Variants in DST observed in about 807,000 individuals in gnomAD.
DST encodes dystonin, also known as bullous pemphigoid antigen.
Under a neutral mutation model 875.2 loss-of-function variants are expected in DST, and 253 were observed. That is an observed-to-expected ratio of 0.29 (90% CI 0.26 to 0.32). The LOEUF (loss-of-function observed/expected upper bound fraction) is 0.32, where lower values mean the gene tolerates loss of function less well. Among genes scored for constraint, DST ranks in the 10% least tolerant of loss-of-function variants. DST has a pLI of 1.00. For missense variants in DST, 8,287 were observed against 9,111.6 expected (o/e 0.91, Z 3.68); for synonymous variants, 3,124 against 3,197.1 (o/e 0.98, Z 0.77).
intron 61 of DST, among the ~76,000 whole-genome samples, chr6:56,544,526 TA>T (rs1296171362): frequency 6.6e-6 from 1 of 152,124 alleles, no homozygotes; most frequent in Non-Finnish European, 1.5e-5. Context: ...TTCAAAAAAA[TA>T]GCACTCACTG....
In DST at chr6:56,851,477, G is replaced by C; in HGVS notation, c.545C>G (p.Pro182Arg). 1 of 1,614,024 alleles carries C rather than the reference G, an allele frequency of 6.2e-7. No individual in the cohort carries two copies. Among genetic ancestry groups the C allele is most frequent in the Non-Finnish European group, 8.5e-7 (1 of 1,179,906 alleles). Residue 182 changes from proline (P) to arginine (R), a missense_variant, in exon 4 of 104, where the codon CCT (proline) becomes CGT (arginine). Pro to Arg is a moderately radical substitution (Grantham distance 103, BLOSUM62 -2). Transcript: ENST00000680361. ...APGDTLPWNL[P>R]KHERSKRKIQ... ...CTTTCTTTTCGATCTCTCATGTTTAGGCAAATTCCAGGGTAAGGTGTCTCC... is the reference window on the plus strand; with the variant it reads ...CTTTCTTTTCGATCTCTCATGTTTACGCAAATTCCAGGGTAAGGTGTCTCC...
At chr6:56,502,585 A>T (rs922916889) in intron 78 of DST, among the ~76,000 whole-genome samples, 2 of 152,066 alleles carry the variant, frequency 1.3e-5, no homozygotes, top group African/African-American at 4.8e-5. Flanking sequence ...AAACTCAGAT[A>T]ACCTGATTTC....
Position 56,610,472 on chromosome 6 carries a change from C to T in DST, c.5238G>A (p.Gln1746=), listed in dbSNP as rs1451784402. 28 of 1,568,256 alleles carry T rather than the reference C, an allele frequency of 1.8e-5. No homozygotes were observed. The highest frequency in any genetic ancestry group is 2.4e-5 in the Non-Finnish European group (28 of 1,154,666). The change falls in exon 39 of 104, where the codon CAG becomes CAA. Residue 1746 remains glutamine (Q), a synonymous_variant. Transcript: ENST00000680361. ...CTCCTGAGGTTTGTGATTCTTGTAG[C>T]TGTTTCAGAGATTCACTGAATAATA... The part of the protein sequence containing the change: ...YNLLFSESLK[Q]LQESQTSGDV...
intron 87 of DST, among the ~76,000 whole-genome samples, chr6:56,486,673 T>G (rs1035962918): frequency 6.6e-6 from 1 of 152,134 alleles, no homozygotes; most frequent in Non-Finnish European, 1.5e-5. Context: ...AGTGGTACCT[T>G]GCACGTCACA....
At chr6:56,568,671 A>G (rs2097723135) in intron 54 of DST, 76 bp from the exon 55 acceptor site, 3 of 1,295,324 alleles carry the variant, frequency 2.3e-6, no homozygotes, top group East Asian at 2.6e-5. Context: ...TTTCTTAAAC[A>G]TATCTTAAAG....
chr6:56,823,050 G>A (rs1237730001), intron 4 of DST, among the ~76,000 whole-genome samples: 2 of 151,918 alleles, frequency 1.3e-5, no homozygotes, highest in African/African-American at 4.8e-5. Context: ...CCAGGCTGGT[G>A]TCCAACTCCT....
chr6:56,851,770 A>C (rs1473993119), intron 3 of DST, 166 bp from the exon 4 acceptor site: 2 of 1,551,742 alleles, frequency 1.3e-6, no homozygotes, highest in Non-Finnish European at 1.7e-6. Flanking sequence ...AACCAAAAAA[A>C]TAAAACCCGG....
At chr6:56,504,901 C>T (rs115377110) in intron 77 of DST, among the ~76,000 whole-genome samples, 3,847 of 152,132 alleles carry the variant, frequency 0.025, 74 homozygotes, top group Non-Finnish European at 0.043. Context: ...GGTACTTCAG[C>T]TCTTGTTTTG....
At position 56,616,188 on chromosome 6, in the gene DST, G is replaced by A. The variant is rs755047934; in HGVS notation, c.4930-1704C>T. 6.2e-6 allele frequency: 10 copies of A among 1,614,218 alleles called. No individual in the cohort carries two copies. In the South Asian group the frequency reaches 8.8e-5, roughly 14 times the overall value. Reference sequence around the variant, plus strand: ...AGCAAAGAATCAGCAAGTTCTGTAAGTGTGATGAGGCCTTCCTGATACTTT... The same window carrying A: ...AGCAAAGAATCAGCAAGTTCTGTAAATGTGATGAGGCCTTCCTGATACTTT... On this transcript the variant is annotated intron_variant, in intron 36 of 103. Coordinates refer to ENST00000680361, the MANE Select transcript of DST (RefSeq NM_001374736.1).
chr6:56,762,399 C>A (rs536157221), intron 4 of DST, among the ~76,000 whole-genome samples: 2 of 152,250 alleles, frequency 1.3e-5, no homozygotes, highest in Non-Finnish European at 2.9e-5. Context: ...CGCCCAGGCC[C>A]AACAAAAATT....
Position 56,482,131 on chromosome 6 carries a change from A to C in DST, c.21450T>G (p.Ala7150=). The part of the protein sequence containing the change: ...SVVHALLEWL[A]EAEQTLRFHG... ...GGAAACGCAGGGTTTGCTCCGCCTC[A>C]GCCAGCCACTCCAAGAGGGCATGTA... The change falls in exon 90 of 104, where the codon GCT becomes GCG. Residue 7150 remains alanine, a synonymous_variant. Transcript: ENST00000680361. 1 of 1,613,722 alleles carries C rather than the reference A, an allele frequency of 6.2e-7. No homozygotes were observed.
intron 3 of DST, among the ~76,000 whole-genome samples, chr6:56,865,938 C>T (rs955801877): frequency 1.3e-5 from 2 of 151,942 alleles, no homozygotes; most frequent in African/African-American, 2.4e-5. Context: ...ACATAAAGTA[C>T]ATATAGGCAT....
chr6:56,701,510 T>TAC (rs1465775107), intron 8 of DST, among the ~76,000 whole-genome samples: 2 of 148,810 alleles, frequency 1.3e-5, no homozygotes, highest in African/African-American at 5.2e-5. Flanking sequence ...ACTATTTTTA[T>TAC]ATACTAAGTG....
At chr6:56,874,253 C>A (rs1169576600) in intron 3 of DST, among the ~76,000 whole-genome samples, 1 of 152,180 alleles carries the variant, frequency 6.6e-6, no homozygotes, top group East Asian at 1.9e-4. Flanking sequence ...GTGAGAGGAT[C>A]ACTTGAGCCC....
Position 56,532,341 on chromosome 6 carries a change from T to C in DST, c.17108+3A>G, listed in dbSNP as rs778537264. 4 of 1,613,184 alleles carry C rather than the reference T, an allele frequency of 2.5e-6. No homozygotes were observed. The highest frequency in any genetic ancestry group is 2.2e-5 in the East Asian group (1 of 44,856). ...TCAAAAGAACTGGAAGTATATAAGT[T>C]ACCTTGTTTCAGCTTTATTAAGCAA... On this transcript the variant is annotated splice_donor_region_variant and intron_variant, in intron 64 of 103. Coordinates refer to ENST00000680361, the MANE Select transcript of DST (RefSeq NM_001374736.1).
At chr6:56,780,392 T>C (rs1336974448) in intron 4 of DST, among the ~76,000 whole-genome samples, 5 of 151,534 alleles carry the variant, frequency 3.3e-5, no homozygotes, top group Admixed American at 2.6e-4. Context: ...CACCTGTTGT[T>C]TCCTGACTTT....
chr6:56,569,086 G>C (rs895436543), intron 54 of DST, among the ~76,000 whole-genome samples: 2 of 152,040 alleles, frequency 1.3e-5, no homozygotes, highest in Non-Finnish European at 2.9e-5. Flanking sequence ...ACTTTGGAAG[G>C]CCAAGGCAGG....
intron 4 of DST, among the ~76,000 whole-genome samples, chr6:56,760,613 C>G (rs1467043941): frequency 1.3e-5 from 2 of 152,178 alleles, no homozygotes; most frequent in Non-Finnish European, 2.9e-5. Flanking sequence ...TATTTGCCCC[C>G]AGCTCTTGCC....
At chr6:56,753,576 G>A (rs1465383340) in intron 4 of DST, among the ~76,000 whole-genome samples, 1 of 152,144 alleles carries the variant, frequency 6.6e-6, no homozygotes, top group African/African-American at 2.4e-5. Flanking sequence ...ACATAAAACT[G>A]TAGTTCTTCT....
Sources: gnomAD v4.1 joint callset for allele counts (sites outside exome capture counted in the v4.1 genomes callset) on GRCh38, gnomAD v4.1.1 for gene constraint, MANE v1.5 for transcripts, NCBI Gene and HGNC (gene_info 2026-07-23, HGNC 2026-07-21) for gene names.